INPP4A: variants seen among roughly 807,000 people sequenced by gnomAD.
INPP4A encodes inositol polyphosphate-4-phosphatase, type I, 107kD.
A neutral mutation model predicts 119.8 loss-of-function variants in INPP4A; 33 were observed. That is an observed-to-expected ratio of 0.28 (90% CI 0.21 to 0.37). The LOEUF (loss-of-function observed/expected upper bound fraction) is 0.37, where lower values mean the gene tolerates loss of function less well. Ranked by LOEUF, INPP4A falls within the 10% of genes least tolerant of loss-of-function variation. INPP4A has a pLI of 1.00. For missense variants in INPP4A, 956 were observed against 1,289.9 expected, an observed-to-expected ratio of 0.74 and a Z score of 3.97; for synonymous variants, 496 against 500.7, an observed-to-expected ratio of 0.99 and a Z score of 0.12.
chr2:98,502,466 G>T (rs1313444215), intron 1 of INPP4A, among the ~76,000 whole-genome samples: 1 of 152,104 alleles, frequency 6.6e-6, no homozygotes, highest in South Asian at 2.1e-4. Context: ...AGCACACATA[G>T]AGATTTTAAT....
chr2:98,578,429 G>T (rs1698776815), intron 24 of INPP4A, among the ~76,000 whole-genome samples: 1 of 152,220 alleles, frequency 6.6e-6, no homozygotes. Context: ...GGGCCAGTCA[G>T]GAGCTGGCAC....
rs1408457991 is a variant in INPP4A at position 98,458,090 on chromosome 2, A to G, written c.-166+13005A>G. On this transcript the variant is annotated intron_variant, in intron 1 of 24. Coordinates refer to ENST00000409851, the MANE Select transcript of INPP4A (RefSeq NM_001134225.2). ...TGCCTTAACCTCCGAAAGTGCTTGG[A>G]TTGCAAGCATGAGCCATCACACCCT... is the stretch of plus-strand genomic sequence containing the variant. Among the ~76,000 whole-genome samples, 3 of 149,768 alleles carry G rather than the reference A, an allele frequency of 2.0e-5. No individual in the cohort carries two copies. In the Admixed American group the frequency reaches 2.0e-4, roughly 10 times the overall value.
chr2:98,460,789 C>G (rs1297016622), intron 1 of INPP4A, among the ~76,000 whole-genome samples: 2 of 152,118 alleles, frequency 1.3e-5, no homozygotes, highest in African/African-American at 4.8e-5. Context: ...GTCCCTGGCA[C>G]CCATGGGGTC....
At chr2:98,466,496 C>T (rs1173593547) in intron 1 of INPP4A, among the ~76,000 whole-genome samples, 1 of 152,274 alleles carries the variant, frequency 6.6e-6, no homozygotes, top group East Asian at 1.9e-4. Context: ...TGCTGTGCCT[C>T]AGCATGCAGC....
rs530629210 is a variant in INPP4A at position 98,514,153 on chromosome 2, G to A, written c.-165-4811G>A. ...ACTTCAGTGAACCCGTCGTCTTTAC[G>A]TTAAAGTCATCTCACACCATGGAGT... On this transcript the variant is annotated intron_variant, in intron 1 of 24. Transcript: ENST00000409851. 2.6e-5 allele frequency among the ~76,000 whole-genome samples: 4 copies of A among 152,284 alleles called. No homozygotes were observed. In the East Asian group the frequency reaches 7.7e-4, roughly 29 times the overall value.
At position 98,546,271 on chromosome 2, in the gene INPP4A, T is replaced by G. The variant is rs572024431; in HGVS notation, c.1054+198T>G. On this transcript the variant is annotated intron_variant, in intron 12 of 24. Transcript: ENST00000409851. The surrounding 1 kb of genome is among the most constrained non-coding windows in gnomAD (Gnocchi z 4.2). ...TCCTTTTGTCTCTCCTCACTCTAGC[T>G]TCCCTTTGTATTTCTGCAGTAGAAA... is the stretch of plus-strand genomic sequence containing the variant. Among the ~76,000 whole-genome samples the G allele has an allele frequency of 1.3e-5, 2 of 152,358 alleles. No individual in the cohort carries two copies. Among genetic ancestry groups the G allele is most frequent in the East Asian group, 3.9e-4 (2 of 5,188 alleles).
chr2:98,570,231 G>A lies in INPP4A; in HGVS notation c.2518+1563G>A, dbSNP rs1697207427. The stretch of plus-strand genomic sequence containing the variant: ...AATGACTTGTGGGGAGTGCAGATGT[G>A]GAGCCACAGAGCAGAGCCCTTTGGT... On this transcript the variant is annotated intron_variant, in intron 22 of 24. Coordinates refer to ENST00000409851, the MANE Select transcript of INPP4A (RefSeq NM_001134225.2). This position sits in a 1 kb window ranked among gnomAD's most constrained non-coding sequence, Gnocchi z 4.3. 6.6e-6 allele frequency among the ~76,000 whole-genome samples: 1 copy of A among 152,236 alleles called. No homozygotes were observed. The highest frequency in any genetic ancestry group is 1.5e-5 in the Non-Finnish European group (1 of 68,034).
chr2:98,552,680 C>A, intron 13 of INPP4A, 106 bp from the exon 14 acceptor site: 1 of 909,584 alleles, frequency 1.1e-6, no homozygotes, highest in Non-Finnish European at 1.8e-6. Flanking sequence ...ATCCCTGAGT[C>A]ACAGAACACT....
At chr2:98,518,698 C>T (rs1558990233) in intron 1 of INPP4A, among the ~76,000 whole-genome samples, 1 of 152,248 alleles carries the variant, frequency 6.6e-6, no homozygotes, top group Non-Finnish European at 1.5e-5. Context: ...CCCCCTAAAC[C>T]ACACCCAGCT....
chr2:98,576,920 C>T, intron 23 of INPP4A, 69 bp from the exon 24 acceptor site: 1 of 1,542,726 alleles, frequency 6.5e-7, no homozygotes, highest in Non-Finnish European at 8.8e-7. Context: ...GGAGCCTTTC[C>T]TGTGTGTGAA....
chr2:98,585,875 G>T (rs539688312), intron 24 of INPP4A, among the ~76,000 whole-genome samples: 26 of 152,280 alleles, frequency 1.7e-4, no homozygotes, highest in African/African-American at 5.5e-4. Flanking sequence ...CGCTCCTCAC[G>T]GCAGTTTAGC....
At chr2:98,531,604 T>C (rs1689231838) in intron 4 of INPP4A, among the ~76,000 whole-genome samples, 1 of 152,120 alleles carries the variant, frequency 6.6e-6, no homozygotes, top group African/African-American at 2.4e-5. Context: ...TTATAAAAGC[T>C]ACCAGAAAAC....
chr2:98,533,467 C>G lies in INPP4A; in HGVS notation c.242C>G (p.Thr81Arg), dbSNP rs766419021. The G allele has an allele frequency of 1.2e-6, 2 of 1,612,892 alleles. No homozygotes were observed. Among genetic ancestry groups the G allele is most frequent in the South Asian group, 1.1e-5 (1 of 91,050 alleles). ...ACCACCCCTCCTCAGGCATTCTGGA[C>G]GAAGCATGCACAGACGGAGATCATT... ...SVTTPPQAFW[T>R]KHAQTEIIEG... is the part of the protein sequence containing the mutation. The change falls in exon 5 of 25, where the codon ACG becomes AGG. Residue 81 changes from threonine (T) to arginine (R), a missense_variant. This residue lies in a region of INPP4A where 652 missense variants were observed against 797.9 expected (regional missense o/e 0.82). Transcript: ENST00000409851.
At chr2:98,520,887 T>C in intron 4 of INPP4A, 156 bp downstream of exon 4, 1 of 551,560 alleles carries the variant, frequency 1.8e-6, no homozygotes. Context: ...CTCACAGTTG[T>C]GAACTTCTGT....
intron 18 of INPP4A, among the ~76,000 whole-genome samples, chr2:98,564,355 C>G (rs567011302): frequency 6.6e-6 from 1 of 152,170 alleles, no homozygotes; most frequent in Non-Finnish European, 1.5e-5. Context: ...TAATGGGCTT[C>G]CAGAAGTTCC....
At chr2:98,512,234 G>A (rs1221583295) in intron 1 of INPP4A, among the ~76,000 whole-genome samples, 3 of 152,186 alleles carry the variant, frequency 2.0e-5, no homozygotes, top group Non-Finnish European at 2.9e-5. Context: ...TGTTATTTCC[G>A]TTATACAGAA....
chr2:98,576,867 C>A, intron 23 of INPP4A, 122 bp from the exon 24 acceptor site: 2 of 1,213,604 alleles, frequency 1.6e-6, no homozygotes, highest in Non-Finnish European at 2.3e-6. Context: ...TCTGGCCAGG[C>A]CTGGGTGTTG....
chr2:98,505,812 C>A (rs1683935712), intron 1 of INPP4A, among the ~76,000 whole-genome samples: 1 of 152,204 alleles, frequency 6.6e-6, no homozygotes, highest in Admixed American at 6.5e-5. Context: ...TTTATAGAAT[C>A]CCTGTCTCCA....
At chr2:98,575,938 C>T (rs531126419) in intron 23 of INPP4A, among the ~76,000 whole-genome samples, 2 of 152,308 alleles carry the variant, frequency 1.3e-5, no homozygotes, top group African/African-American at 4.8e-5. Flanking sequence ...TTAGAAAGTA[C>T]TGTGGTACAC....
Sources: gnomAD v4.1 joint callset for allele counts (sites outside exome capture counted in the v4.1 genomes callset) on GRCh38, gnomAD v4.1.1 for gene constraint, gnomAD v4.1.1 regional missense constraint, Gnocchi (gnomAD v3.1) non-coding constraint, MANE v1.5 for transcripts, NCBI Gene and HGNC (gene_info 2026-07-23, HGNC 2026-07-21) for gene names.